The following CDCA7 variants were observed in gnomAD, a reference collection of about 807,000 sequenced individuals.
CDCA7 encodes the protein cell division cycle-associated protein 7.
In CDCA7, 28 loss-of-function variants were observed where a neutral mutation model predicts 54.0. That is an observed-to-expected ratio of 0.52 (90% CI 0.38 to 0.71). The LOEUF is 0.71. CDCA7 is among the 30% of genes least tolerant of loss of function. CDCA7 has a pLI of 0.00. For synonymous variants in CDCA7, 180 were observed against 208.2 expected (o/e 0.86, Z 1.16); for missense variants, 484 against 586.0 (o/e 0.83, Z 1.80).
At chr2:173,357,603 C>T (rs997173932) in intron 1 of CDCA7, among the ~76,000 whole-genome samples, 5 of 152,238 alleles carry the variant, frequency 3.3e-5, no homozygotes, top group Non-Finnish European at 5.9e-5. Context: ...AAATTAGCAT[C>T]ACAGTACATA....
chr2:173,365,545 G>C lies in CDCA7; in HGVS notation c.988G>C (p.Glu330Gln). 2 of 1,614,188 alleles carry C rather than the reference G, an allele frequency of 1.2e-6. No individual in the cohort carries two copies. The highest frequency in any genetic ancestry group is 1.7e-6 in the Non-Finnish European group (2 of 1,180,034). Residue 330 changes from glutamate (E) to glutamine (Q), a missense_variant, in exon 7 of 10, where the codon GAG (glutamate) becomes CAG (glutamine). By Grantham distance (29) the Glu-to-Gln change is conservative. Transcript: ENST00000306721. ...PVEEITEEEL[E>Q]NVCSNSREKI... ...GGAAGAAATTACAGAGGAGGAGTTG[G>C]AGAACGTCTGCAGCAATTCTCGAGA...
intron 6 of CDCA7, among the ~76,000 whole-genome samples, 153 bp downstream of exon 6, chr2:173,365,142 C>G (rs1469713271): frequency 6.6e-6 from 1 of 152,208 alleles, no homozygotes; most frequent in Non-Finnish European, 1.5e-5. Flanking sequence ...GTCACATAAG[C>G]TTACTTGGTA....
At position 173,358,782 on chromosome 2, in the gene CDCA7, C is replaced by T. The variant is rs777114913; in HGVS notation, c.92C>T (p.Ser31Leu). The change falls in exon 2 of 10, where the codon TCG (serine) becomes TTG (leucine). Residue 31 changes from serine to leucine, a missense_variant. Ser to Leu is a moderately radical substitution (Grantham distance 145). Transcript: ENST00000306721. ...GTGAAGTTGATTTCCATGGAAACCT[C>T]GTCATCCTCTGATGACAGTTGTGAC... ...RYVKLISMET[S>L]SSSDDSCDSF... 2.5e-6 allele frequency: 4 copies of T among 1,613,890 alleles called. No homozygotes were observed. Among genetic ancestry groups the T allele is most frequent in the South Asian group, 1.1e-5 (1 of 91,018 alleles).
chr2:173,361,148 T>G (rs1233670862), intron 3 of CDCA7, among the ~76,000 whole-genome samples: 1 of 152,212 alleles, frequency 6.6e-6, no homozygotes, highest in Admixed American at 6.5e-5. Flanking sequence ...TTGCAGAATA[T>G]TCTGTTGTGT....
rs10193202 is a variant in CDCA7 at position 173,368,117 on chromosome 2, T to C, written c.*453T>C. On this transcript the variant is annotated 3_prime_UTR_variant, in exon 10 of 10. Transcript: ENST00000306721. ...ACACAAAAACGAGTATGATTTAGCA[T>C]TCATACTAGTTGAAATTTTTAATAG... The C allele has an allele frequency of 0.34, 54,513 of 162,276 alleles. 9,884 individuals are homozygous for C. The highest frequency in any genetic ancestry group is 0.48 in the African/African-American group (20,116 of 41,620). 10.1% of individuals were successfully genotyped at this position (162,276 alleles called of 1,614,324 possible).
chr2:173,359,958 TC>T (rs771248327), intron 3 of CDCA7, among the ~76,000 whole-genome samples: 3 of 152,314 alleles, frequency 2.0e-5, no homozygotes, highest in Admixed American at 2.0e-4. Flanking sequence ...TGAGGGCCCT[TC>T]CTGCTGCTAC....
intron 7 of CDCA7, 116 bp downstream of exon 7, chr2:173,365,708 T>C (rs1686707627): frequency 8.4e-7 from 1 of 1,188,556 alleles, no homozygotes; most frequent in South Asian, 1.9e-5. Context: ...TGTACCTATA[T>C]GTTTTTTTCA....
chr2:173,360,445 A>G (rs904971106), intron 3 of CDCA7, among the ~76,000 whole-genome samples: 3 of 152,162 alleles, frequency 2.0e-5, no homozygotes, highest in African/African-American at 7.2e-5. Flanking sequence ...TACTCTCTCA[A>G]TCCATGGACA....
intron 4 of CDCA7, 99 bp from the exon 5 acceptor site, chr2:173,363,719 A>C: frequency 8.2e-7 from 1 of 1,218,404 alleles, no homozygotes. Context: ...ATCAAATATA[A>C]AACCATGAGA....
At chr2:173,365,690 G>T in intron 7 of CDCA7, 98 bp downstream of exon 7, 2 of 1,332,632 alleles carry the variant, frequency 1.5e-6, no homozygotes, top group Non-Finnish European at 2.0e-6. Flanking sequence ...GGCCTAGCAT[G>T]TGAAATCTGT....
chr2:173,365,901 T>G (rs1272976667), intron 7 of CDCA7, among the ~76,000 whole-genome samples: 1 of 152,242 alleles, frequency 6.6e-6, no homozygotes. Flanking sequence ...TGGAGTGTGG[T>G]GGTACACCAA....
chr2:173,360,419 G>A (rs74675494), intron 3 of CDCA7, among the ~76,000 whole-genome samples: 2,561 of 152,274 alleles, frequency 0.017, 72 homozygotes, highest in African/African-American at 0.058. Flanking sequence ...ACTCATGAAA[G>A]GTTTTTGTTG....
chr2:173,356,168 T>A (rs2106386729), intron 1 of CDCA7: 1 of 152,370 alleles, frequency 6.6e-6, no homozygotes, highest in South Asian at 2.1e-4. Context: ...ATTACTTACC[T>A]GCCAAAGAAG....
At chr2:173,355,478 C>T (rs1036198493) in intron 1 of CDCA7, among the ~76,000 whole-genome samples, 4 of 152,226 alleles carry the variant, frequency 2.6e-5, no homozygotes, top group Non-Finnish European at 4.4e-5. Flanking sequence ...GACGCGTCCG[C>T]TTCTAACCGC....
intron 1 of CDCA7, 82 bp downstream of exon 1, chr2:173,355,066 C>A: frequency 8.0e-7 from 1 of 1,257,180 alleles, no homozygotes; most frequent in South Asian, 2.9e-5. Flanking sequence ...CTCTCCAACT[C>A]CGCAGCCTAG....
Position 173,365,434 on chromosome 2 carries a change from G to A in CDCA7, c.895-18G>A, listed in dbSNP as rs1005840248. The stretch of plus-strand genomic sequence containing the variant: ...TTTCAGTTTTGAAGTTCTGTGTTTT[G>A]TATTCCTTGTAATGCAGGAAGATGA... On this transcript the variant is annotated intron_variant, in intron 6 of 9. Coordinates refer to ENST00000306721, the MANE Select transcript of CDCA7 (RefSeq NM_031942.5). 1.4e-5 allele frequency: 22 copies of A among 1,597,192 alleles called. No homozygotes were observed. Among genetic ancestry groups the A allele is most frequent in the Non-Finnish European group, 1.7e-5 (20 of 1,172,672 alleles).
Position 173,366,262 on chromosome 2 carries a change from T to TG in CDCA7, c.1036-21_1036-20insG. 6.3e-7 allele frequency: 1 copy of TG among 1,582,154 alleles called. No individual in the cohort carries two copies. Among genetic ancestry groups the TG allele is most frequent in the Non-Finnish European group, 8.6e-7 (1 of 1,166,524 alleles). On this transcript the variant is annotated intron_variant, in intron 7 of 9. Transcript: ENST00000306721. This position sits in a 1 kb window ranked among gnomAD's most constrained non-coding sequence, Gnocchi z 4.5. ...AAAACAGTGGTTTTTTTTGTTTTTT[T>TG]TCTTAATGGCTTATTTGTAGGGCTC...
chr2:173,363,730 T>C, intron 4 of CDCA7, 88 bp from the exon 5 acceptor site: 8 of 1,277,280 alleles, frequency 6.3e-6, no homozygotes, highest in Non-Finnish European at 9.1e-6. Flanking sequence ...AACCATGAGA[T>C]GTACTTGAGT....
Position 173,355,058 on chromosome 2 carries a change from C to T in CDCA7, c.21+74C>T, listed in dbSNP as rs954945054. The T allele has an allele frequency of 2.1e-5, 27 of 1,266,522 alleles. No homozygotes were observed. The African/African-American group carries it at 3.7e-4, about 17-fold the overall frequency. 78.5% of individuals were successfully genotyped at this position (1,266,522 alleles called of 1,614,324 possible). A position where few individuals can be genotyped will look rare whatever the true frequency, so the allele number is the denominator to read the frequency against. The stretch of plus-strand genomic sequence containing the variant: ...ACGCAGGCGGGCGCGGGCCGACCCT[C>T]TCCAACTCCGCAGCCTAGCGCTGCC... On this transcript the variant is annotated intron_variant, in intron 1 of 9. Coordinates refer to ENST00000306721, the MANE Select transcript of CDCA7 (RefSeq NM_031942.5).
Sources: gnomAD v4.1 joint callset for allele counts (sites outside exome capture counted in the v4.1 genomes callset) on GRCh38, gnomAD v4.1.1 for gene constraint, Gnocchi (gnomAD v3.1) non-coding constraint, MANE v1.5 for transcripts, NCBI Gene and HGNC (gene_info 2026-07-23, HGNC 2026-07-21) for gene names.